Variants in ST8SIA1 observed in about 807,000 individuals in gnomAD.
ST8SIA1 encodes ST8 alpha-N-acetyl-neuraminide alpha-2,8-sialyltransferase 1, also known as alpha-N-acetylneuraminide alpha-2,8-sialyltransferase.
In ST8SIA1, 16 loss-of-function variants were observed where a neutral mutation model predicts 35.9. That is an observed-to-expected ratio of 0.45 (90% CI 0.30 to 0.68). The LOEUF (loss-of-function observed/expected upper bound fraction) is 0.68. Ranked by LOEUF, ST8SIA1 falls within the 30% of genes least tolerant of loss-of-function variation. ST8SIA1 has a pLI of 0.09. For missense variants in ST8SIA1, 383 were observed against 453.6 expected, an observed-to-expected ratio of 0.84 and a Z score of 1.41; for synonymous variants, 170 against 169.6, an observed-to-expected ratio of 1.00 and a Z score of -0.02.
chr12:22,288,263 C>T (rs185490711), intron 1 of ST8SIA1, among the ~76,000 whole-genome samples: 304 of 152,304 alleles, frequency 2.0e-3, no homozygotes, highest in African/African-American at 6.9e-3. Context: ...CACCCAGAAA[C>T]GCTTGCTCAG....
At chr12:22,259,614 C>G (rs1386669643) in intron 2 of ST8SIA1, among the ~76,000 whole-genome samples, 2 of 151,768 alleles carry the variant, frequency 1.3e-5, no homozygotes, top group African/African-American at 2.4e-5. Context: ...TACAGGCACC[C>G]GCTACCATGC....
chr12:22,304,447 G>A (rs1384830060), intron 1 of ST8SIA1, among the ~76,000 whole-genome samples: 1 of 148,618 alleles, frequency 6.7e-6, no homozygotes, highest in African/African-American at 2.5e-5. Flanking sequence ...TCTGCTGAAT[G>A]AGGAACCTAA....
intron 3 of ST8SIA1, among the ~76,000 whole-genome samples, chr12:22,251,971 C>T (rs1412753910): frequency 6.6e-6 from 1 of 152,142 alleles, no homozygotes; most frequent in Non-Finnish European, 1.5e-5. Flanking sequence ...ATTCATGTCC[C>T]CAAGCCAACC....
intron 1 of ST8SIA1, among the ~76,000 whole-genome samples, chr12:22,290,364 T>G (rs956511470): frequency 1.3e-5 from 2 of 152,158 alleles, no homozygotes; most frequent in Non-Finnish European, 2.9e-5. Context: ...AAAACAGGAA[T>G]AGTACTAGTA....
At chr12:22,329,924 A>C (rs1179310644) in intron 1 of ST8SIA1, among the ~76,000 whole-genome samples, 1 of 152,214 alleles carries the variant, frequency 6.6e-6, no homozygotes, top group African/African-American at 2.4e-5. Context: ...GCTAACATGC[A>C]GCCAGTACCA....
intron 2 of ST8SIA1, among the ~76,000 whole-genome samples, chr12:22,259,289 G>GT (rs141759261): frequency 0.23 from 34,644 of 151,554 alleles, 4,343 homozygotes; most frequent in Middle Eastern, 0.35. Context: ...AAAGTCCAGG[G>GT]GTTTTTTTAA....
chr12:22,260,878 T>G (rs1288701198), intron 2 of ST8SIA1, among the ~76,000 whole-genome samples: 28 of 146,334 alleles, frequency 1.9e-4, no homozygotes, highest in African/African-American at 7.0e-4. Flanking sequence ...GTTGTTGTTT[T>G]TTTTTTTTTT....
chr12:22,266,529 G>C (rs1865850873), intron 2 of ST8SIA1, among the ~76,000 whole-genome samples: 2 of 151,486 alleles, frequency 1.3e-5, no homozygotes, highest in South Asian at 4.2e-4. Context: ...GCCAGGCATG[G>C]TGGCTCACAT....
chr12:22,248,981 A>C, intron 4 of ST8SIA1, 25 bp downstream of exon 4: 1 of 1,554,224 alleles, frequency 6.4e-7, no homozygotes, highest in East Asian at 2.2e-5. Context: ...TTCGTTCGTC[A>C]CAAACAGAAG....
intron 1 of ST8SIA1, among the ~76,000 whole-genome samples, chr12:22,307,268 CG>C (rs1866397624): frequency 6.6e-6 from 1 of 152,088 alleles, no homozygotes; most frequent in African/African-American, 2.4e-5. Flanking sequence ...GGTTGATCCA[CG>C]GGGACTCAGC....
At chr12:22,207,571 G>A (rs967833390) in intron 4 of ST8SIA1, among the ~76,000 whole-genome samples, 3 of 152,124 alleles carry the variant, frequency 2.0e-5, no homozygotes, top group Non-Finnish European at 4.4e-5. Context: ...CTGCTTTTCA[G>A]TTTGAGCTCT....
In ST8SIA1 at chr12:22,334,335, C is replaced by T. The variant is rs1866817811; in HGVS notation, c.-103G>A. The T allele has an allele frequency of 1.2e-6, 1 of 815,446 alleles. No homozygotes were observed. Among genetic ancestry groups the T allele is most frequent in the Non-Finnish European group, 1.9e-6 (1 of 522,920 alleles). The allele number at this position is 815,446 out of a possible 1,614,324, so 50.5% of individuals were successfully genotyped here. A position where few individuals can be genotyped will look rare whatever the true frequency, so the allele number is the denominator to read the frequency against. On this transcript the variant is annotated 5_prime_UTR_variant, in exon 1 of 5. Transcript: ENST00000396037. ...CCGCCAGCCCCCCATGCACACACACCTTTGGTTCTCTTACTTGCAAACGCA... is the reference window on the plus strand; with the variant it reads ...CCGCCAGCCCCCCATGCACACACACTTTTGGTTCTCTTACTTGCAAACGCA...
chr12:22,245,171 ATCAT>A (rs1254878515), intron 4 of ST8SIA1, among the ~76,000 whole-genome samples: 1 of 152,220 alleles, frequency 6.6e-6, no homozygotes, highest in African/African-American at 2.4e-5. Context: ...ACATGCATGC[ATCAT>A]TAGGATTTCT....
At chr12:22,260,723 A>T (rs1565580381) in intron 2 of ST8SIA1, among the ~76,000 whole-genome samples, 1 of 152,154 alleles carries the variant, frequency 6.6e-6, no homozygotes, top group Non-Finnish European at 1.5e-5. Flanking sequence ...GTAACCTCTG[A>T]AGTCCCATAT....
intron 2 of ST8SIA1, 86 bp from the exon 3 acceptor site, chr12:22,255,475 G>A (rs1865719638): frequency 8.8e-7 from 1 of 1,131,550 alleles, no homozygotes; most frequent in East Asian, 2.3e-5. Context: ...CCCTTTGGAG[G>A]AATTTGACTG....
chr12:22,238,354 T>C (rs558027076), intron 4 of ST8SIA1, among the ~76,000 whole-genome samples: 8 of 152,244 alleles, frequency 5.3e-5, no homozygotes, highest in South Asian at 2.1e-4. Context: ...CCAGCTGCCA[T>C]GTAAACAGTC....
chr12:22,329,008 A>G (rs886823753), intron 1 of ST8SIA1, among the ~76,000 whole-genome samples: 20 of 152,210 alleles, frequency 1.3e-4, no homozygotes, highest in Non-Finnish European at 2.4e-4. Flanking sequence ...AGGCAGGAAG[A>G]TGTGGCCTTC....
In ST8SIA1 at chr12:22,201,817, T is replaced by A. The variant is rs1015090103; in HGVS notation, c.806A>T (p.His269Leu). The A allele has an allele frequency of 1.9e-6, 3 of 1,614,056 alleles. No individual in the cohort carries two copies. The highest frequency in any genetic ancestry group is 2.5e-6 in the Non-Finnish European group (3 of 1,180,006). Residue 269 changes from histidine to leucine, a missense_variant, in exon 5 of 5, where the codon CAT becomes CTT. Coordinates refer to ENST00000396037, the MANE Select transcript of ST8SIA1 (RefSeq NM_003034.4). ...AAGTCCTGTGGACAGGCGCTTGGCA[T>A]GGATTCCTCTACTTTTCCAGAACTT... ...IGKFWKSRGIHAKRLSTGLFL... is the reference protein window; with the variant it reads ...IGKFWKSRGILAKRLSTGLFL...
intron 2 of ST8SIA1, among the ~76,000 whole-genome samples, chr12:22,261,336 G>C (rs571873872): frequency 1.3e-5 from 2 of 151,924 alleles, no homozygotes; most frequent in African/African-American, 2.4e-5. Context: ...TAGTAGAGAC[G>C]GGGTTTCACC....
Sources: gnomAD v4.1 joint callset for allele counts (sites outside exome capture counted in the v4.1 genomes callset) on GRCh38, gnomAD v4.1.1 for gene constraint, MANE v1.5 for transcripts, NCBI Gene and HGNC (gene_info 2026-07-23, HGNC 2026-07-21) for gene names.